ABCC8: variants seen among roughly 807,000 people sequenced by gnomAD.
ABCC8 encodes the protein ATP binding cassette subfamily C member 8.
In ABCC8, 137 loss-of-function variants were observed where a neutral mutation model predicts 188.0. That is an observed-to-expected ratio of 0.73 (90% CI 0.63 to 0.84). The LOEUF is 0.84. Among genes scored for constraint, ABCC8 ranks in the 40% least tolerant of loss-of-function variants. The pLI is 0.00. For synonymous variants in ABCC8, 797 were observed against 846.5 expected (o/e 0.94, Z 1.01); for missense variants, 1,750 against 2,072.7 (o/e 0.84, Z 3.02).
chr11:17,407,283 C>T, intron 24 of ABCC8, 71 bp downstream of exon 24: 1 of 1,613,168 alleles, frequency 6.2e-7, no homozygotes, highest in Non-Finnish European at 8.5e-7. Flanking sequence ...ACCCAGAACC[C>T]CAAACCTTAG....
chr11:17,476,629 C>T lies in ABCC8; in HGVS notation c.148G>A (p.Gly50Arg). The T allele has an allele frequency of 6.2e-7, 1 of 1,611,966 alleles. No homozygotes were observed. The highest frequency in any genetic ancestry group is 8.5e-7 in the Non-Finnish European group (1 of 1,179,154). ...TCCGCGGCTCGCTGCGCGCACTCAC[C>T]AATGAAGAGGATGGGGAAGGTGATG... ...LFITFPILFI[G>R]WGSQSSKVHI... is the part of the protein sequence containing the mutation. Residue 50 changes from glycine to arginine, a missense_variant and splice_region_variant, in exon 1 of 39, where the codon GGA becomes AGA. By Grantham distance (125) the Gly-to-Arg change is moderately radical (BLOSUM62 -2). Transcript: ENST00000389817.
intron 6 of ABCC8, among the ~76,000 whole-genome samples, chr11:17,455,005 C>A (rs1956942768): frequency 6.6e-6 from 1 of 152,184 alleles, no homozygotes. Flanking sequence ...TCCCACTGTC[C>A]TCTGCAGAGA....
intron 2 of ABCC8, among the ~76,000 whole-genome samples, chr11:17,472,724 C>T (rs1848547010): frequency 6.6e-6 from 1 of 152,194 alleles, no homozygotes; most frequent in Non-Finnish European, 1.5e-5. Context: ...TACAGCCACA[C>T]ACAGGAGGGG....
At position 17,475,701 on chromosome 11, in the gene ABCC8, A is replaced by G. The variant is rs970269319; in HGVS notation, c.149-674T>C. ...TAACTGTCTTTGTTAATAACTAGCAACTCTGCTTCTGCAGCAACCTCTTGT... is the reference window on the plus strand; with the variant it reads ...TAACTGTCTTTGTTAATAACTAGCAGCTCTGCTTCTGCAGCAACCTCTTGT... On this transcript the variant is annotated intron_variant, in intron 1 of 38. Coordinates refer to ENST00000389817, the MANE Select transcript of ABCC8 (RefSeq NM_000352.6). Among the ~76,000 whole-genome samples, 3 of 152,222 alleles carry G rather than the reference A, an allele frequency of 2.0e-5. No homozygotes were observed. The South Asian group carries it at 6.2e-4, about 32-fold the overall frequency.
chr11:17,465,053 G>C (rs541274371), intron 3 of ABCC8, among the ~76,000 whole-genome samples: 16 of 152,330 alleles, frequency 1.1e-4, no homozygotes, highest in Admixed American at 9.1e-4. Context: ...CTCACCCGGG[G>C]GGATCGATGC....
chr11:17,417,064 C>G (rs967976371), intron 16 of ABCC8, 102 bp from the exon 17 acceptor site: 23 of 1,581,128 alleles, frequency 1.5e-5, no homozygotes, highest in Middle Eastern at 3.3e-4. Flanking sequence ...CACCTCCAAC[C>G]CTCCCACCCA....
chr11:17,409,358 C>T (rs11821507), intron 22 of ABCC8, among the ~76,000 whole-genome samples: 3 of 152,184 alleles, frequency 2.0e-5, no homozygotes, highest in Admixed American at 1.3e-4. Context: ...CCGCCCTATG[C>T]TGGGGTTCAA....
At chr11:17,425,831 C>T (rs1254972376) in intron 16 of ABCC8, among the ~76,000 whole-genome samples, 1 of 152,042 alleles carries the variant, frequency 6.6e-6, no homozygotes, top group Non-Finnish European at 1.5e-5. Flanking sequence ...GCTATCCCTC[C>T]CCTTGCCCCC....
chr11:17,424,660 G>C (rs2133520776), intron 16 of ABCC8, among the ~76,000 whole-genome samples: 1 of 152,332 alleles, frequency 6.6e-6, no homozygotes, highest in Admixed American at 6.5e-5. Flanking sequence ...GGCAGGGGCA[G>C]CTCCAGTGTC....
intron 6 of ABCC8, among the ~76,000 whole-genome samples, chr11:17,457,439 C>T (rs912794603): frequency 6.6e-6 from 1 of 152,212 alleles, no homozygotes; most frequent in African/African-American, 2.4e-5. Flanking sequence ...AGCTTTAGCC[C>T]TTCGATCAAA....
chr11:17,441,482 T>C (rs1166298592), intron 10 of ABCC8, among the ~76,000 whole-genome samples: 1 of 152,242 alleles, frequency 6.6e-6, no homozygotes, highest in Non-Finnish European at 1.5e-5. Flanking sequence ...ATGTAACCTG[T>C]GCACTGAGTA....
At chr11:17,400,858 A>T (rs1424496816) in intron 29 of ABCC8, among the ~76,000 whole-genome samples, 1 of 152,242 alleles carries the variant, frequency 6.6e-6, no homozygotes, top group Non-Finnish European at 1.5e-5. Flanking sequence ...AACACTTAGC[A>T]CGGTGCCTGG....
intron 16 of ABCC8, among the ~76,000 whole-genome samples, chr11:17,417,289 C>A (rs1414338527): frequency 6.6e-6 from 1 of 152,110 alleles, no homozygotes; most frequent in Non-Finnish European, 1.5e-5. Flanking sequence ...AGGACACAAT[C>A]ATTTCTTATA....
At chr11:17,440,099 G>T (rs1033938454) in intron 10 of ABCC8, among the ~76,000 whole-genome samples, 2 of 152,182 alleles carry the variant, frequency 1.3e-5, no homozygotes, top group East Asian at 3.9e-4. Flanking sequence ...TACATGACCT[G>T]AGGCTGCCCC....
intron 8 of ABCC8, among the ~76,000 whole-genome samples, chr11:17,445,612 A>T (rs1344346467): frequency 2.0e-5 from 3 of 152,266 alleles, no homozygotes; most frequent in Non-Finnish European, 2.9e-5. Flanking sequence ...TGCACACAGA[A>T]TCCTAACCAC....
intron 7 of ABCC8, among the ~76,000 whole-genome samples, chr11:17,449,655 G>A (rs886408790): frequency 1.3e-5 from 2 of 152,194 alleles, no homozygotes; most frequent in African/African-American, 4.8e-5. Flanking sequence ...AAATGCATCC[G>A]GGTCTTAAAT....
chr11:17,435,867 G>A, intron 10 of ABCC8: 1 of 1,251,502 alleles, frequency 8.0e-7, no homozygotes, highest in Non-Finnish European at 1.2e-6. Context: ...CCGGACACAG[G>A]GACTTCACGC....
intron 19 of ABCC8, 81 bp downstream of exon 19, chr11:17,414,431 T>C (rs1002797173): frequency 8.3e-6 from 13 of 1,569,196 alleles, no homozygotes; most frequent in Non-Finnish European, 1.1e-5. Flanking sequence ...GGGTGATCGA[T>C]GGAGGGGCCC....
At chr11:17,460,307 T>G (rs1226796928) in intron 6 of ABCC8, among the ~76,000 whole-genome samples, 181 bp downstream of exon 6, 8 of 152,368 alleles carry the variant, frequency 5.3e-5, no homozygotes, top group African/African-American at 1.9e-4. Flanking sequence ...AGGCTCGCCC[T>G]CTGGCATTTC....
Sources: allele counts gnomAD v4.1 joint callset (sites outside exome capture counted in the v4.1 genomes callset), GRCh38; gene constraint gnomAD v4.1.1; transcripts MANE v1.5; gene names NCBI Gene and HGNC (gene_info 2026-07-23, HGNC 2026-07-21).